The following GUCD1 variants were observed in gnomAD, a reference collection of about 807,000 sequenced individuals.
GUCD1 encodes protein GUCD1.
A neutral mutation model predicts 28.3 loss-of-function variants in GUCD1; 17 were observed. The ratio of observed to expected loss-of-function variants is 0.60; its 90% confidence interval spans 0.41 to 0.90. The LOEUF is 0.90. GUCD1 is among the 40% of genes least tolerant of loss of function. GUCD1 has a pLI of 0.00. For synonymous variants in GUCD1, 129 were observed against 123.3 expected, an observed-to-expected ratio of 1.05 and a Z score of -0.30; for missense variants, 279 against 305.5, an observed-to-expected ratio of 0.91 and a Z score of 0.65.
At position 24,542,959 on chromosome 22, in the gene GUCD1, G is replaced by A. The variant is rs1430686343; in HGVS notation, c.*47C>T. The A allele has an allele frequency of 2.9e-6, 4 of 1,402,002 alleles. No individual in the cohort carries two copies. In the African/African-American group the frequency reaches 5.7e-5, roughly 20 times the overall value. The allele number at this position is 1,402,002 out of a possible 1,614,324, so 86.8% of individuals were successfully genotyped here. On this transcript the variant is annotated 3_prime_UTR_variant, in exon 6 of 6. Transcript: ENST00000435822. ...CAGGGCATCCTGAGCGGGCCCGGCTGGGGTGGGGATGGGGTCCGAGGGCCT... is the reference window on the plus strand; with the variant it reads ...CAGGGCATCCTGAGCGGGCCCGGCTAGGGTGGGGATGGGGTCCGAGGGCCT...
intron 4 of GUCD1, 46 bp from the exon 5 acceptor site, chr22:24,544,129 C>A: frequency 6.3e-7 from 1 of 1,587,616 alleles, no homozygotes; most frequent in South Asian, 1.1e-5. Flanking sequence ...GCCCCCATTC[C>A]CCATCCCTCA....
chr22:24,555,493 C>G, upstream of GUCD1: 1 of 1,256,152 alleles, frequency 8.0e-7, no homozygotes, highest in South Asian at 1.4e-5. Context: ...CAGTGCATCC[C>G]CGAGGCCCCA....
chr22:24,544,269 G>T (rs958049308), intron 4 of GUCD1, among the ~76,000 whole-genome samples, 186 bp from the exon 5 acceptor site: 1 of 150,524 alleles, frequency 6.6e-6, no homozygotes, highest in Non-Finnish European at 1.5e-5. Context: ...GAGACCGGTG[G>T]GGGGGGTGTG....
In GUCD1 at chr22:24,542,973, G is replaced by A; in HGVS notation, c.*33C>T. On this transcript the variant is annotated 3_prime_UTR_variant, in exon 6 of 6. Transcript: ENST00000435822. ...CGGGCCCGGCTGGGGTGGGGATGGG[G>A]TCCGAGGGCCTAGGCGCACCAGGCT... 6.6e-7 allele frequency: 1 copy of A among 1,516,382 alleles called. No homozygotes were observed. The highest frequency in any genetic ancestry group is 9.2e-7 in the Non-Finnish European group (1 of 1,091,456). The allele number at this position is 1,516,382 out of a possible 1,614,324, so 93.9% of individuals were successfully genotyped here.
In GUCD1 at chr22:24,543,896, C is replaced by CA. The variant is rs1569008489; in HGVS notation, c.573dup (p.Gly192TrpfsTer27). ...ATGCAGCCAGTGGCCCGGTTGTAGC[C>CA]ACGCAGCACGATGAAGTGGCCCTGG... On this transcript the variant is annotated frameshift_variant, in exon 5 of 6. Coordinates refer to ENST00000435822, the MANE Select transcript of GUCD1 (RefSeq NM_001284254.2). LOFTEE classifies it high-confidence loss of function. The CA allele has an allele frequency of 6.2e-7, 1 of 1,614,082 alleles. No homozygotes were observed. The highest frequency in any genetic ancestry group is 1.1e-5 in the South Asian group (1 of 91,080).
upstream of GUCD1, chr22:24,555,365 T>C (rs925959674): frequency 5.4e-6 from 7 of 1,285,458 alleles, no homozygotes; most frequent in African/African-American, 1.5e-5. Context: ...CGCCCCTTTC[T>C]TTGAGCCCCG....
intron 1 of GUCD1, among the ~76,000 whole-genome samples, chr22:24,549,529 TTCAACAGGGTCTTGCTCTG>T (rs1319396045): frequency 2.0e-5 from 3 of 152,148 alleles, no homozygotes; most frequent in Non-Finnish European, 2.9e-5. Context: ...TTTCTTTTTT[TTCAACAGGGTCTTGCTCTG>T]TCGCACAGGC....
intron 3 of GUCD1, 109 bp from the exon 4 acceptor site, chr22:24,547,114 G>C: frequency 1.2e-6 from 1 of 831,758 alleles, no homozygotes; most frequent in South Asian, 1.4e-5. Context: ...CAGGAGGGCA[G>C]AGGAGCCCCA....
chr22:24,542,782 C>G lies in GUCD1; in HGVS notation c.*224G>C. ...AGGCTTGGGGTCTTGGGGTATGCTTCCAGCAGCCAGCAGGTGCTTGGGGTG... is the reference window on the plus strand; with the variant it reads ...AGGCTTGGGGTCTTGGGGTATGCTTGCAGCAGCCAGCAGGTGCTTGGGGTG... On this transcript the variant is annotated 3_prime_UTR_variant, in exon 6 of 6. Transcript: ENST00000435822. 2 of 503,976 alleles carry G rather than the reference C, an allele frequency of 4.0e-6. No homozygotes were observed. Among genetic ancestry groups the G allele is most frequent in the Non-Finnish European group, 7.3e-6 (2 of 275,630 alleles). 31.2% of individuals were successfully genotyped at this position (503,976 alleles called of 1,614,324 possible).
intron 1 of GUCD1, among the ~76,000 whole-genome samples, chr22:24,553,868 A>G (rs1050260989): frequency 2.0e-5 from 3 of 152,200 alleles, no homozygotes; most frequent in African/African-American, 4.8e-5. Context: ...TGGGGGTGAT[A>G]AGGTTAGGCG....
intron 1 of GUCD1, among the ~76,000 whole-genome samples, chr22:24,550,590 G>A (rs2044845994): frequency 1.3e-5 from 2 of 152,210 alleles, no homozygotes; most frequent in Non-Finnish European, 2.9e-5. Context: ...GTCTCTCCTG[G>A]ACTGTGTGAC....
At chr22:24,544,218 G>A in intron 4 of GUCD1, 135 bp from the exon 5 acceptor site, 3 of 1,254,100 alleles carry the variant, frequency 2.4e-6, no homozygotes, top group Admixed American at 2.3e-5. Context: ...TGAACTCCCT[G>A]CTCTGTCACT....
At chr22:24,555,539 T>C (rs2045036907), upstream of GUCD1, 8 of 1,476,940 alleles carry the variant, frequency 5.4e-6, no homozygotes, top group Non-Finnish European at 6.5e-6. Flanking sequence ...GGGATAACCC[T>C]GAGCGGGCAG....
rs1601534645 is a variant in GUCD1 at position 24,544,008 on chromosome 22, C to T, written c.462G>A (p.Val154=). 3 of 1,614,014 alleles carry T rather than the reference C, an allele frequency of 1.9e-6. No homozygotes were observed. The highest frequency in any genetic ancestry group is 2.7e-5 in the African/African-American group (2 of 75,006). ...HVAIVLVNSG[V]LHCDLCSSPV... ...GGCTGGAGCACAGGTCACAGTGCAG[C>T]ACCCCCGAGTTCACCAGCACGATGG... is the stretch of plus-strand genomic sequence containing the variant. The change falls in exon 5 of 6, where the codon GTG becomes GTA. Residue 154 remains valine (V), a synonymous_variant. Transcript: ENST00000435822.
In GUCD1 at chr22:24,549,120, C is replaced by A; in HGVS notation, c.44-119G>T. The A allele has an allele frequency of 9.4e-6, 6 of 639,374 alleles. No individual in the cohort carries two copies. The South Asian group carries it at 1.1e-4, about 12-fold the overall frequency. 39.6% of individuals were successfully genotyped at this position (639,374 alleles called of 1,614,324 possible). A position where few individuals can be genotyped will look rare whatever the true frequency, so the allele number is the denominator to read the frequency against. Reference sequence around the variant, plus strand: ...CCTGCAGGGGCTGCTCAGGGACCTTCCCACAATCCTTCAGGAATCCCCTCA... The same window carrying A: ...CCTGCAGGGGCTGCTCAGGGACCTTACCACAATCCTTCAGGAATCCCCTCA... On this transcript the variant is annotated intron_variant, in intron 1 of 5. Transcript: ENST00000435822.
At chr22:24,543,360 G>A (rs546132923) in intron 5 of GUCD1, among the ~76,000 whole-genome samples, 1 of 152,212 alleles carries the variant, frequency 6.6e-6, no homozygotes, top group Non-Finnish European at 1.5e-5. Context: ...GACGGGGTAA[G>A]TCTATGTGGT....
chr22:24,546,705 T>C (rs1427007389), intron 4 of GUCD1, among the ~76,000 whole-genome samples: 1 of 152,194 alleles, frequency 6.6e-6, no homozygotes. Context: ...GATCCACCCC[T>C]GGTCAGAGCC....
chr22:24,555,051 C>T lies in GUCD1; in HGVS notation c.-60G>A, dbSNP rs2045005818. On this transcript the variant is annotated 5_prime_UTR_variant, in exon 1 of 6. Transcript: ENST00000435822. ...CCAGAGCGGGCTACAGCTTCCGCTT[C>T]GGCTGGGGCGGGAGGGCGGTCGGTG... 2 of 1,366,812 alleles carry T rather than the reference C, an allele frequency of 1.5e-6. No individual in the cohort carries two copies. The highest frequency in any genetic ancestry group is 1.9e-6 in the Non-Finnish European group (2 of 1,055,790). 84.7% of individuals were successfully genotyped at this position (1,366,812 alleles called of 1,614,324 possible). A position where few individuals can be genotyped will look rare whatever the true frequency, so the allele number is the denominator to read the frequency against.
chr22:24,543,311 A>G (rs1047305639), intron 5 of GUCD1, among the ~76,000 whole-genome samples: 3 of 152,166 alleles, frequency 2.0e-5, no homozygotes, highest in Non-Finnish European at 4.4e-5. Context: ...AGTTGGAGAA[A>G]GGCCCAGAGA....
Sources: allele counts gnomAD v4.1 joint callset (sites outside exome capture counted in the v4.1 genomes callset), GRCh38; gene constraint gnomAD v4.1.1; transcripts MANE v1.5; gene names NCBI Gene and HGNC (gene_info 2026-07-23, HGNC 2026-07-21).